SH3RF1: variants seen among roughly 807,000 people sequenced by gnomAD.
The protein encoded by SH3RF1 is E3 ubiquitin-protein ligase SH3RF1.
A neutral mutation model predicts 74.0 loss-of-function variants in SH3RF1; 32 were observed. The ratio of observed to expected loss-of-function variants is 0.43; its 90% CI spans 0.33 to 0.58. The LOEUF is 0.58. Ranked by LOEUF, SH3RF1 falls within the 20% of genes least tolerant of loss-of-function variation. The pLI, the probability that SH3RF1 is intolerant of heterozygous loss-of-function variation, is 0.05. For missense variants in SH3RF1, 954 were observed against 1,130.9 expected (o/e 0.84, Z 2.24); for synonymous variants, 396 against 439.6 (o/e 0.90, Z 1.24).
intron 10 of SH3RF1, among the ~76,000 whole-genome samples, chr4:169,113,963 G>T (rs1293176607): frequency 6.6e-6 from 1 of 152,142 alleles, no homozygotes; most frequent in Non-Finnish European, 1.5e-5. Flanking sequence ...AAGAACAACG[G>T]TTGGAAGGTT....
chr4:169,225,004 A>G (rs2706730), intron 2 of SH3RF1, among the ~76,000 whole-genome samples: 72,957 of 152,034 alleles, frequency 0.48, 18,520 homozygotes, highest in East Asian at 0.78. Context: ...TTGGGAAAGA[A>G]GAGAGACTAA....
In SH3RF1 at chr4:169,264,509, G is replaced by A. The variant is rs1276704158; in HGVS notation, c.393+4311C>T. Among the ~76,000 whole-genome samples, 3 of 152,188 alleles carry A rather than the reference G, an allele frequency of 2.0e-5. 1 individual carries two copies. The South Asian group carries it at 6.2e-4, about 31-fold the overall frequency. On this transcript the variant is annotated intron_variant, in intron 2 of 11. Transcript: ENST00000284637. ...CAACAGGGAAAGAGGGAGAAAGGAG[G>A]TATGACTGTGCTATGGAGAAATGAA...
intron 2 of SH3RF1, among the ~76,000 whole-genome samples, chr4:169,170,793 C>T (rs1734315732): frequency 6.6e-6 from 1 of 152,140 alleles, no homozygotes; most frequent in Admixed American, 6.5e-5. Context: ...GTCTGAAATA[C>T]AACTTTTACC....
At chr4:169,155,616 C>G (rs1561038970) in intron 3 of SH3RF1, 41 bp from the exon 4 acceptor site, 2 of 1,397,136 alleles carry the variant, frequency 1.4e-6, no homozygotes, top group Non-Finnish European at 2.0e-6. Context: ...GATCATTAAG[C>G]TGTACCATTA....
chr4:169,221,015 A>C (rs191369372), intron 2 of SH3RF1, among the ~76,000 whole-genome samples: 3 of 152,348 alleles, frequency 2.0e-5, no homozygotes, highest in African/African-American at 7.2e-5. Flanking sequence ...TCTCGTGTCG[A>C]AAGAGTTGAA....
rs777824936 is a variant in SH3RF1 at position 169,116,340 on chromosome 4, G to A, written c.2068C>T (p.Pro690Ser). 3.1e-6 allele frequency: 5 copies of A among 1,614,056 alleles called. No homozygotes were observed. The Admixed American group carries it at 8.3e-5, about 27-fold the overall frequency. ...GATGAAGCACTGTCAGGAGATGTGG[G>A]GAGTCCAGGGAGAACGGTCACTATC... The part of the protein sequence containing the change: ...GRIVTVLPGL[P>S]TSPDSASSAC... The change falls in exon 10 of 12, where the codon CCC becomes TCC. Residue 690 changes from proline to serine, a missense_variant. Transcript: ENST00000284637.
Position 169,117,615 on chromosome 4 carries a change from G to C in SH3RF1, c.1685C>G (p.Ala562Gly). ...PSVVPAAVVS[A>G]AHIQTSPQAK... is the part of the protein sequence containing the mutation. The stretch of plus-strand genomic sequence containing the variant: ...CTGAGGACTTGTCTGGATGTGAGCT[G>C]CTGATACCACAGCTGCGGGGACAAC... The change falls in exon 9 of 12, where the codon GCA becomes GGA. Residue 562 changes from alanine to glycine, a missense_variant. Ala to Gly is a moderately conservative substitution (Grantham distance 60, BLOSUM62 0). Coordinates refer to ENST00000284637, the MANE Select transcript of SH3RF1 (RefSeq NM_020870.4). 1 of 1,614,206 alleles carries C rather than the reference G, an allele frequency of 6.2e-7. No homozygotes were observed. Among genetic ancestry groups the C allele is most frequent in the Non-Finnish European group, 8.5e-7 (1 of 1,180,046 alleles).
intron 2 of SH3RF1, among the ~76,000 whole-genome samples, chr4:169,170,511 T>C (rs13122679): frequency 0.033 from 5,031 of 152,328 alleles, 97 homozygotes; most frequent in East Asian, 0.047. Context: ...TATTAAAACA[T>C]ATGCTTTTTG....
chr4:169,110,518 T>C (rs1209316740), intron 10 of SH3RF1, among the ~76,000 whole-genome samples: 3 of 151,908 alleles, frequency 2.0e-5, no homozygotes, highest in African/African-American at 7.3e-5. Context: ...TAGTCCCAGG[T>C]GCTTGGGAGG....
intron 2 of SH3RF1, among the ~76,000 whole-genome samples, chr4:169,257,435 C>T (rs549712884): frequency 1.7e-4 from 26 of 152,322 alleles, no homozygotes; most frequent in African/African-American, 6.3e-4. Flanking sequence ...TTATCAACAA[C>T]ATCCTTTTCA....
At chr4:169,194,086 T>C (rs1448381515) in intron 2 of SH3RF1, among the ~76,000 whole-genome samples, 1 of 151,922 alleles carries the variant, frequency 6.6e-6, no homozygotes, top group Admixed American at 6.6e-5. Flanking sequence ...CATCCCAACA[T>C]TTTTTTTAGA....
intron 2 of SH3RF1, among the ~76,000 whole-genome samples, chr4:169,158,223 T>C (rs1734092185): frequency 2.0e-5 from 3 of 151,988 alleles, no homozygotes; most frequent in Admixed American, 2.0e-4. Context: ...AGTAGGAAAA[T>C]GAAACACTTC....
At chr4:169,101,286 GA>G (rs1267564638) in intron 11 of SH3RF1, among the ~76,000 whole-genome samples, 1 of 152,140 alleles carries the variant, frequency 6.6e-6, no homozygotes, top group East Asian at 1.9e-4. Context: ...CCTTAAAAAG[GA>G]ATGAAATTCT....
At chr4:169,113,596 T>G (rs1243095755) in intron 10 of SH3RF1, among the ~76,000 whole-genome samples, 2 of 152,160 alleles carry the variant, frequency 1.3e-5, no homozygotes, top group Non-Finnish European at 2.9e-5. Flanking sequence ...GGGAGGATGA[T>G]GTAAAAGGCA....
intron 2 of SH3RF1, among the ~76,000 whole-genome samples, chr4:169,162,883 C>T (rs1259267367): frequency 6.6e-6 from 1 of 152,158 alleles, no homozygotes; most frequent in Non-Finnish European, 1.5e-5. Context: ...GGTGGCTCCT[C>T]AGCACACACT....
intron 2 of SH3RF1, among the ~76,000 whole-genome samples, chr4:169,224,191 G>C (rs1378004337): frequency 2.6e-5 from 4 of 152,284 alleles, no homozygotes; most frequent in African/African-American, 9.6e-5. Context: ...GAACCACTGA[G>C]ACAGATCCTG....
At chr4:169,183,116 G>A (rs1021008233) in intron 2 of SH3RF1, among the ~76,000 whole-genome samples, 1 of 152,072 alleles carries the variant, frequency 6.6e-6, no homozygotes, top group African/African-American at 2.4e-5. Context: ...GACCAGCCTC[G>A]CCAACATGGC....
chr4:169,153,113 C>T (rs993981449), intron 4 of SH3RF1, among the ~76,000 whole-genome samples: 2 of 152,084 alleles, frequency 1.3e-5, no homozygotes, highest in Admixed American at 1.3e-4. Flanking sequence ...CAGCAGGAGT[C>T]GAGGGGGAGT....
rs1200133906 is a variant in SH3RF1, at chr4:169,096,057, A to G, written c.*462T>C. 6.5e-6 allele frequency: 1 copy of G among 152,970 alleles called. No homozygotes were observed. The highest frequency in any genetic ancestry group is 2.4e-5 in the African/African-American group (1 of 41,478). 9.5% of individuals were successfully genotyped at this position (152,970 alleles called of 1,614,324 possible). The stretch of plus-strand genomic sequence containing the variant: ...CAGGGAGGAGGAGAGGGGAAAATGC[A>G]TTCACTCTATGTCAAAACGAATCTC... On this transcript the variant is annotated 3_prime_UTR_variant, in exon 12 of 12. Transcript: ENST00000284637.
Sources: gnomAD v4.1 joint callset for allele counts (sites outside exome capture counted in the v4.1 genomes callset) on GRCh38, gnomAD v4.1.1 for gene constraint, MANE v1.5 for transcripts, NCBI Gene and HGNC (gene_info 2026-07-23, HGNC 2026-07-21) for gene names.